THSD7B: variants seen among roughly 807,000 people sequenced by gnomAD.
The protein encoded by THSD7B is thrombospondin type 1 domain containing 7B.
Under a neutral mutation model 213.6 loss-of-function variants are expected in THSD7B, and 138 were observed. The observed-to-expected ratio is 0.65, with a 90% CI of 0.56 to 0.74. THSD7B has a LOEUF of 0.74. Among genes scored for constraint, THSD7B ranks in the 30% least tolerant of loss-of-function variants. The pLI, the probability that THSD7B is intolerant of heterozygous loss-of-function variation, is 0.00. For synonymous variants in THSD7B, 742 were observed against 687.0 expected, an observed-to-expected ratio of 1.08 and a Z score of -1.25; for missense variants, 1,931 against 1,991.5, an observed-to-expected ratio of 0.97 and a Z score of 0.58.
intron 14 of THSD7B, among the ~76,000 whole-genome samples, chr2:137,419,261 A>T (rs1457272268): frequency 6.6e-6 from 1 of 151,468 alleles, no homozygotes; most frequent in Non-Finnish European, 1.5e-5. Flanking sequence ...GCTTTGCTGC[A>T]GGAGATACCC....
intron 7 of THSD7B, among the ~76,000 whole-genome samples, chr2:137,184,387 C>T (rs1183769533): frequency 6.6e-6 from 1 of 152,068 alleles, no homozygotes; most frequent in Non-Finnish European, 1.5e-5. Context: ...ATTCAAACCA[C>T]AGCAGTGACT....
intron 15 of THSD7B, among the ~76,000 whole-genome samples, chr2:137,465,992 G>A (rs1242323987): frequency 1.3e-5 from 2 of 152,056 alleles, no homozygotes; most frequent in Non-Finnish European, 2.9e-5. Flanking sequence ...GGAGTGGCAC[G>A]ATATGGTGGT....
intron 14 of THSD7B, among the ~76,000 whole-genome samples, chr2:137,418,394 G>A (rs1686845179): frequency 6.6e-6 from 1 of 152,080 alleles, no homozygotes; most frequent in African/African-American, 2.4e-5. Flanking sequence ...CTTAGAATGG[G>A]ATACAAGCCC....
At chr2:137,470,623 G>A (rs116526568) in intron 15 of THSD7B, among the ~76,000 whole-genome samples, 3,176 of 152,302 alleles carry the variant, frequency 0.021, 45 homozygotes, top group Middle Eastern at 0.051. Context: ...AGCCCAAACC[G>A]TTGTAAGCTA....
chr2:137,393,980 T>G lies in THSD7B; in HGVS notation c.2501-11633T>G, dbSNP rs1053983133. 1.9e-4 allele frequency among the ~76,000 whole-genome samples: 26 copies of G among 137,120 alleles called. 1 individual carries two copies. Among genetic ancestry groups the G allele is most frequent in the Admixed American group, 8.7e-4 (12 of 13,868 alleles). The allele number at this position is 137,120 out of a possible 152,430, so 90.0% of individuals were successfully genotyped here. A position where few individuals can be genotyped will look rare whatever the true frequency, so the allele number is the denominator to read the frequency against. On this transcript the variant is annotated intron_variant, in intron 12 of 27. Coordinates refer to ENST00000409968, the MANE Select transcript of THSD7B (RefSeq NM_001316349.2). Reference sequence around the variant, plus strand: ...TCTTCTTTTGAGAAGTGTCTGTTCATGTCCTTCACCCACTTTTTGATGGGG... The same window carrying G: ...TCTTCTTTTGAGAAGTGTCTGTTCAGGTCCTTCACCCACTTTTTGATGGGG...
intron 17 of THSD7B, among the ~76,000 whole-genome samples, chr2:137,577,809 A>G (rs923392806): frequency 1.3e-5 from 2 of 152,164 alleles, no homozygotes; most frequent in Non-Finnish European, 2.9e-5. Flanking sequence ...GTATAATTCT[A>G]TACCTTGTAA....
At chr2:137,427,624 A>G (rs140187546) in intron 14 of THSD7B, among the ~76,000 whole-genome samples, 103 of 152,274 alleles carry the variant, frequency 6.8e-4, no homozygotes, top group African/African-American at 2.4e-3. Flanking sequence ...GCTTATATGT[A>G]TAATCTAAAA....
At chr2:136,887,326 GTGTGA>G (rs1390201090) in intron 2 of THSD7B, among the ~76,000 whole-genome samples, 1 of 151,304 alleles carries the variant, frequency 6.6e-6, no homozygotes, top group African/African-American at 2.4e-5. Flanking sequence ...GTGTGTGTGT[GTGTGA>G]CAGGCTTTTA....
At chr2:137,145,007 C>T (rs530652947) in intron 5 of THSD7B, among the ~76,000 whole-genome samples, 2 of 151,926 alleles carry the variant, frequency 1.3e-5, no homozygotes, top group South Asian at 4.1e-4. Context: ...ATTAAGATCT[C>T]ATTCATTGTA....
intron 2 of THSD7B, among the ~76,000 whole-genome samples, chr2:136,985,726 G>A (rs987608647): frequency 1.2e-4 from 19 of 152,194 alleles, no homozygotes; most frequent in African/African-American, 4.3e-4. Context: ...TGGGAAAAAG[G>A]CCATCGCTCT....
intron 2 of THSD7B, among the ~76,000 whole-genome samples, chr2:137,003,224 C>T (rs1686035574): frequency 6.6e-6 from 1 of 152,150 alleles, no homozygotes; most frequent in Non-Finnish European, 1.5e-5. Context: ...ACATATAAAA[C>T]TCAGAGGCAT....
At chr2:137,139,676 A>C (rs1042297609) in intron 5 of THSD7B, among the ~76,000 whole-genome samples, 2 of 152,142 alleles carry the variant, frequency 1.3e-5, no homozygotes, top group Non-Finnish European at 2.9e-5. Context: ...AGAGTTAGCG[A>C]TTCCTCCAGA....
chr2:136,866,369 C>T (rs752326999), intron 1 of THSD7B, among the ~76,000 whole-genome samples: 3 of 152,008 alleles, frequency 2.0e-5, no homozygotes, highest in Non-Finnish European at 4.4e-5. Context: ...ACAGAGGTCA[C>T]GTTCTGTATT....
intron 12 of THSD7B, among the ~76,000 whole-genome samples, chr2:137,315,921 C>A (rs1684087592): frequency 6.6e-6 from 1 of 152,060 alleles, no homozygotes; most frequent in Non-Finnish European, 1.5e-5. Context: ...TGTTTTAACA[C>A]CTAGTATGCT....
intron 5 of THSD7B, among the ~76,000 whole-genome samples, chr2:137,150,762 A>G (rs1426756424): frequency 6.6e-6 from 1 of 152,176 alleles, no homozygotes; most frequent in Non-Finnish European, 1.5e-5. Flanking sequence ...CATAGAGTGT[A>G]CTTACACAAA....
intron 16 of THSD7B, among the ~76,000 whole-genome samples, chr2:137,569,793 A>AATTATTATT (rs10677104): frequency 6.7e-6 from 1 of 149,978 alleles, no homozygotes; most frequent in African/African-American, 2.4e-5. Flanking sequence ...TTTCCCTCCC[A>AATTATTATT]ATTATTATTA....
chr2:137,546,993 CT>C (rs1326655284), intron 15 of THSD7B, among the ~76,000 whole-genome samples: 1 of 151,962 alleles, frequency 6.6e-6, no homozygotes, highest in Non-Finnish European at 1.5e-5. Context: ...CTGTATTAGT[CT>C]TTGTCTGTTC....
intron 1 of THSD7B, among the ~76,000 whole-genome samples, chr2:136,803,465 T>C (rs994781136): frequency 4.6e-5 from 7 of 152,334 alleles, no homozygotes; most frequent in Admixed American, 3.3e-4. Flanking sequence ...TGGAACTATG[T>C]GTAGAGGACA....
chr2:137,594,480 C>G (rs1049510259), intron 17 of THSD7B, among the ~76,000 whole-genome samples: 4 of 151,988 alleles, frequency 2.6e-5, no homozygotes, highest in African/African-American at 9.7e-5. Flanking sequence ...CACTTCTATA[C>G]AGTTTCAAAT....
Sources: allele counts gnomAD v4.1 joint callset (sites outside exome capture counted in the v4.1 genomes callset), GRCh38; gene constraint gnomAD v4.1.1; transcripts MANE v1.5; gene names NCBI Gene and HGNC (gene_info 2026-07-23, HGNC 2026-07-21).